The following INO80C variants were observed in gnomAD, a reference collection of about 807,000 sequenced individuals.
INO80C encodes IES6 homolog.
INO80C carries 17 observed loss-of-function variants against 17.7 expected under a neutral mutation model. That is an observed-to-expected ratio of 0.96 (90% CI 0.66 to 1.44). The LOEUF (loss-of-function observed/expected upper bound fraction) is 1.44, where lower values mean the gene tolerates loss of function less well. Among genes scored for constraint, INO80C ranks in the 40% most tolerant of loss-of-function variants. The pLI, the probability that INO80C is intolerant of heterozygous loss-of-function variation, is 0.00. For missense variants in INO80C, 244 were observed against 245.0 expected (o/e 1.00, Z 0.03); for synonymous variants, 96 against 95.8 (o/e 1.00, Z -0.01).
Position 35,468,681 on chromosome 18 carries a change from A to G in INO80C, c.509T>C (p.Ile170Thr). 1 of 1,614,118 alleles carries G rather than the reference A, an allele frequency of 6.2e-7. No homozygotes were observed. The highest frequency in any genetic ancestry group is 8.5e-7 in the Non-Finnish European group (1 of 1,179,998). ...GACGACGTCAGAGGGCAGCCTCCGA[A>G]TGTAGGAAAACTCTTCAATGGTGCT... ...RFSTIEEFSY[I>T]RRLPSDVVTG... The change falls in exon 5 of 5, where the codon ATT becomes ACT. Residue 170 changes from isoleucine (I) to threonine (T), a missense_variant. Coordinates refer to ENST00000334598, the MANE Select transcript of INO80C (RefSeq NM_194281.4).
At chr18:35,492,861 A>T (rs2045945593) in intron 1 of INO80C, among the ~76,000 whole-genome samples, 1 of 152,224 alleles carries the variant, frequency 6.6e-6, no homozygotes, top group Non-Finnish European at 1.5e-5. Context: ...AGTACATTTT[A>T]TCAACTTTAA....
At chr18:35,470,128 T>C (rs2045651736) in intron 4 of INO80C, among the ~76,000 whole-genome samples, 1 of 151,274 alleles carries the variant, frequency 6.6e-6, no homozygotes, top group Non-Finnish European at 1.5e-5. Flanking sequence ...TCTACTTTAA[T>C]GTGGATCATC....
intron 1 of INO80C, chr18:35,487,269 A>C (rs2045886333): frequency 5.3e-6 from 1 of 188,516 alleles, no homozygotes; most frequent in Non-Finnish European, 1.1e-5. Context: ...TCTAGAAAAT[A>C]AGTGGCCAGT....
intron 4 of INO80C, among the ~76,000 whole-genome samples, chr18:35,476,346 G>C (rs989109958): frequency 1.3e-5 from 2 of 151,926 alleles, no homozygotes; most frequent in African/African-American, 4.8e-5. Flanking sequence ...TATAGTTTTA[G>C]GTAAAAACTA....
chr18:35,480,615 T>C lies in INO80C; in HGVS notation c.157-52A>G, dbSNP rs769774323. 4.6e-6 allele frequency: 6 copies of C among 1,311,654 alleles called. No homozygotes were observed. The Admixed American group carries it at 1.0e-4, about 22-fold the overall frequency. The allele number at this position is 1,311,654 out of a possible 1,614,324, so 81.3% of individuals were successfully genotyped here. ...AGAAGTCAGTTTCTTTCAGCTGAGT[T>C]CCCCACCTCTGCTCTCAACAGGGCA... On this transcript the variant is annotated intron_variant, in intron 1 of 4. Transcript: ENST00000334598.
chr18:35,491,919 A>G (rs1018027824), intron 1 of INO80C, among the ~76,000 whole-genome samples: 4 of 152,182 alleles, frequency 2.6e-5, no homozygotes, highest in Admixed American at 1.3e-4. Flanking sequence ...CTCAGGGAAG[A>G]GAAATCCAGC....
At chr18:35,479,034 T>C (rs900033758) in intron 3 of INO80C, 34 of 298,126 alleles carry the variant, frequency 1.1e-4, no homozygotes, top group African/African-American at 7.2e-4. Flanking sequence ...AATAAGAAGT[T>C]TGTCTAGTAG....
chr18:35,492,569 G>C (rs1362022394), intron 1 of INO80C, among the ~76,000 whole-genome samples: 1 of 152,096 alleles, frequency 6.6e-6, no homozygotes, highest in African/African-American at 2.4e-5. Context: ...TTTAAAAATA[G>C]AAAAGAATAA....
At chr18:35,473,351 G>GT (rs376986666) in intron 4 of INO80C, among the ~76,000 whole-genome samples, 1 of 152,302 alleles carries the variant, frequency 6.6e-6, no homozygotes, top group East Asian at 1.9e-4. Flanking sequence ...AGCTCACAAG[G>GT]TAAGTTCCAG....
chr18:35,482,014 T>G (rs2045815118), intron 1 of INO80C, among the ~76,000 whole-genome samples: 1 of 152,200 alleles, frequency 6.6e-6, no homozygotes. Flanking sequence ...GTTTATTCAT[T>G]TTCGTGTTCG....
chr18:35,497,932 T>A lies in INO80C; in HGVS notation c.-58A>T. Reference sequence around the variant, plus strand: ...TTTTTCCCAGCGCGGGCCTTGGAACTTCCTTTCCGCTGTTACTTCCGTCTT... The same window carrying A: ...TTTTTCCCAGCGCGGGCCTTGGAACATCCTTTCCGCTGTTACTTCCGTCTT... On this transcript the variant is annotated 5_prime_UTR_variant, in exon 1 of 5. The change creates a new upstream start codon in the 5' untranslated region. Transcript: ENST00000334598. 6.8e-7 allele frequency: 1 copy of A among 1,463,546 alleles called. No homozygotes were observed. The highest frequency in any genetic ancestry group is 9.1e-7 in the Non-Finnish European group (1 of 1,103,454). 90.7% of individuals were successfully genotyped at this position (1,463,546 alleles called of 1,614,324 possible). A position where few individuals can be genotyped will look rare whatever the true frequency, so the allele number is the denominator to read the frequency against.
At chr18:35,481,687 C>G (rs952990138) in intron 1 of INO80C, among the ~76,000 whole-genome samples, 1 of 152,120 alleles carries the variant, frequency 6.6e-6, no homozygotes, top group Admixed American at 6.5e-5. Context: ...AGTTCAAGAC[C>G]AGCCTGGCCA....
intron 4 of INO80C, among the ~76,000 whole-genome samples, chr18:35,476,035 CAA>C (rs1413529845): frequency 6.6e-6 from 1 of 151,954 alleles, no homozygotes; most frequent in Non-Finnish European, 1.5e-5. Context: ...ACATTATGCA[CAA>C]AGTGGCAAAA....
At chr18:35,473,554 G>A (rs1377944260) in intron 4 of INO80C, among the ~76,000 whole-genome samples, 3 of 152,180 alleles carry the variant, frequency 2.0e-5, no homozygotes, top group Non-Finnish European at 4.4e-5. Flanking sequence ...CATGGGCTGG[G>A]CTATGCATGT....
chr18:35,497,328 A>G (rs2144101236), intron 1 of INO80C: 1 of 985,000 alleles, frequency 1.0e-6, no homozygotes, highest in South Asian at 4.7e-5. Context: ...TCCATGCAGG[A>G]CATTACAGCG....
chr18:35,497,202 C>T, intron 1 of INO80C: 2 of 296,748 alleles, frequency 6.7e-6, no homozygotes, highest in Non-Finnish European at 1.0e-5. Context: ...TACTTCATAA[C>T]CTTAACAAGC....
Position 35,468,760 on chromosome 18 carries a change from C to T in INO80C, c.448-18G>A, listed in dbSNP as rs1472962544. The T allele has an allele frequency of 6.2e-7, 1 of 1,608,790 alleles. No homozygotes were observed. ...TAGTTGGCCTGGGTGAAAAGAGGCACAGGGAAGGGCAGAAAGTTTTTGCTG... is the reference window on the plus strand; with the variant it reads ...TAGTTGGCCTGGGTGAAAAGAGGCATAGGGAAGGGCAGAAAGTTTTTGCTG... On this transcript the variant is annotated intron_variant, in intron 4 of 4. Transcript: ENST00000334598.
intron 1 of INO80C, among the ~76,000 whole-genome samples, chr18:35,495,609 T>G (rs1204548280): frequency 6.6e-6 from 1 of 152,148 alleles, no homozygotes; most frequent in Non-Finnish European, 1.5e-5. Context: ...TTGACCACTT[T>G]CAGAAGCTTG....
Position 35,480,566 on chromosome 18 carries a change from T to C in INO80C, c.157-3A>G. 6.3e-7 allele frequency: 1 copy of C among 1,591,798 alleles called. No individual in the cohort carries two copies. ...CTCATGGCTTCCATGCTGATACCCT[T>C]AAAACATAATAAAAATAGTTTGAAG... On this transcript the variant is annotated splice_polypyrimidine_tract_variant and splice_region_variant and intron_variant, in intron 1 of 4. Coordinates refer to ENST00000334598, the MANE Select transcript of INO80C (RefSeq NM_194281.4).
Sources: gnomAD v4.1 joint callset for allele counts (sites outside exome capture counted in the v4.1 genomes callset) on GRCh38, gnomAD v4.1.1 for gene constraint, MANE v1.5 for transcripts, NCBI Gene and HGNC (gene_info 2026-07-23, HGNC 2026-07-21) for gene names.